The following PITPNB variants were observed in gnomAD, a reference collection of about 807,000 sequenced individuals.
PITPNB encodes the protein phosphatidylinositol transfer protein beta isoform.
A neutral mutation model predicts 45.9 loss-of-function variants in PITPNB; 16 were observed. That is an observed-to-expected ratio of 0.35 (90% CI 0.24 to 0.53). The LOEUF (loss-of-function observed/expected upper bound fraction) is 0.53. Ranked by LOEUF, PITPNB falls within the 20% of genes least tolerant of loss-of-function variation. The pLI, the probability that PITPNB is intolerant of heterozygous loss-of-function variation, is 0.93. For synonymous variants in PITPNB, 112 were observed against 108.9 expected, an observed-to-expected ratio of 1.03 and a Z score of -0.18; for missense variants, 188 against 330.5, an observed-to-expected ratio of 0.57 and a Z score of 3.34.
At chr22:27,916,840 C>G (rs189778891) in intron 1 of PITPNB, among the ~76,000 whole-genome samples, 1 of 152,112 alleles carries the variant, frequency 6.6e-6, no homozygotes, top group Non-Finnish European at 1.5e-5. Context: ...TATAAGACAA[C>G]AAACATTTGC....
intron 7 of PITPNB, among the ~76,000 whole-genome samples, chr22:27,888,285 A>C (rs1459671242): frequency 6.6e-6 from 1 of 152,234 alleles, no homozygotes; most frequent in Non-Finnish European, 1.5e-5. Flanking sequence ...AGAAACACTT[A>C]GACTTCTGAT....
At chr22:27,892,148 T>A (rs1016495) in intron 7 of PITPNB, among the ~76,000 whole-genome samples, 11 of 152,062 alleles carry the variant, frequency 7.2e-5, no homozygotes, top group African/African-American at 2.2e-4. Flanking sequence ...GCATGTGCAG[T>A]GCCTTCCACC....
chr22:27,879,924 A>G (rs1934921227), intron 7 of PITPNB, among the ~76,000 whole-genome samples: 2 of 152,198 alleles, frequency 1.3e-5, no homozygotes, highest in South Asian at 4.1e-4. Context: ...GTCCATTAGC[A>G]TTAAGTTAAC....
intron 1 of PITPNB, 33 bp downstream of exon 1, chr22:27,919,139 C>T: frequency 6.2e-7 from 1 of 1,614,052 alleles, no homozygotes; most frequent in South Asian, 1.1e-5. Context: ...ACTGCCGTCC[C>T]ACGGCCTCGC....
In PITPNB at chr22:27,900,903, T is replaced by C. The variant is rs148119629; in HGVS notation, c.198-3011A>G. 1.1e-3 allele frequency among the ~76,000 whole-genome samples: 168 copies of C among 152,324 alleles called. 1 individual carries two copies. The highest frequency in any genetic ancestry group is 2.9e-3 in the African/African-American group (121 of 41,568). The stretch of plus-strand genomic sequence containing the variant: ...CTGAATGAACAATAGTAAGGCCCTT[T>C]AGTAAAATGTAGCAGATTCCTGTTT... On this transcript the variant is annotated intron_variant, in intron 3 of 11. Coordinates refer to ENST00000335272, the MANE Select transcript of PITPNB (RefSeq NM_012399.5).
intron 7 of PITPNB, among the ~76,000 whole-genome samples, chr22:27,893,582 CT>C (rs745878388): frequency 0.057 from 4,195 of 74,000 alleles, 21 homozygotes; most frequent in South Asian, 0.091. Flanking sequence ...CATGTCTAGC[CT>C]TTTTTTTTTT....
chr22:27,878,779 C>T (rs1429269789), intron 7 of PITPNB, among the ~76,000 whole-genome samples: 1 of 152,166 alleles, frequency 6.6e-6, no homozygotes, highest in African/African-American at 2.4e-5. Flanking sequence ...AATTATTATG[C>T]TAATTACAAA....
At chr22:27,859,316 A>C (rs1207682544) in intron 9 of PITPNB, among the ~76,000 whole-genome samples, 1 of 152,250 alleles carries the variant, frequency 6.6e-6, no homozygotes, top group Non-Finnish European at 1.5e-5. Flanking sequence ...CAAAGTTTCC[A>C]GCACTTTGAG....
intron 8 of PITPNB, among the ~76,000 whole-genome samples, chr22:27,872,649 G>A (rs902188945): frequency 2.1e-5 from 3 of 146,268 alleles, no homozygotes; most frequent in Non-Finnish European, 3.0e-5. Context: ...CTGTGGGGCT[G>A]TAACAGTAAT....
rs574285770 is a variant in PITPNB, at chr22:27,879,210, G to C, written c.457-5395C>G. 2.0e-5 allele frequency among the ~76,000 whole-genome samples: 3 copies of C among 152,236 alleles called. No individual in the cohort carries two copies. In the East Asian group the frequency reaches 5.8e-4, roughly 29 times the overall value. ...TATCCCCAACACTGTCATGTTTATG[G>C]AGGCAGACTCCTAAAGCCTTTGGAA... On this transcript the variant is annotated intron_variant, in intron 7 of 11. Transcript: ENST00000335272.
intron 3 of PITPNB, 64 bp downstream of exon 3, chr22:27,910,900 G>A (rs899984920): frequency 1.7e-5 from 19 of 1,130,824 alleles, no homozygotes; most frequent in Non-Finnish European, 2.1e-5. Context: ...AGTTAAGTTA[G>A]CTAGTTACAT....
intron 8 of PITPNB, among the ~76,000 whole-genome samples, chr22:27,861,250 G>A (rs1470758359): frequency 1.3e-5 from 2 of 151,924 alleles, no homozygotes; most frequent in Admixed American, 6.6e-5. Flanking sequence ...GCAGTGAGCT[G>A]AGGTCACATC....
chr22:27,884,304 G>A (rs1935055504), intron 7 of PITPNB, among the ~76,000 whole-genome samples: 1 of 152,194 alleles, frequency 6.6e-6, no homozygotes, highest in Non-Finnish European at 1.5e-5. Flanking sequence ...TTATATTCAT[G>A]GGCAGGTAAG....
chr22:27,851,740 G>C lies in PITPNB; in HGVS notation c.*1962C>G, dbSNP rs1298768610. On this transcript the variant is annotated 3_prime_UTR_variant, in exon 12 of 12. Coordinates refer to ENST00000335272, the MANE Select transcript of PITPNB (RefSeq NM_012399.5). ...TTGTTTTACTGTAATTTACACAAGAGACTGGCAAGTAAACTAGGTATTTTA... is the reference window on the plus strand; with the variant it reads ...TTGTTTTACTGTAATTTACACAAGACACTGGCAAGTAAACTAGGTATTTTA... 1 of 152,094 alleles carries C rather than the reference G, an allele frequency of 6.6e-6. No homozygotes were observed. The highest frequency in any genetic ancestry group is 2.4e-5 in the African/African-American group (1 of 41,420). The allele number at this position is 152,094 out of a possible 1,614,324, so 9.4% of individuals were successfully genotyped here. A position where few individuals can be genotyped will look rare whatever the true frequency, so the allele number is the denominator to read the frequency against.
In PITPNB at chr22:27,853,383, T is replaced by C. The variant is rs1450093807; in HGVS notation, c.*319A>G. Reference sequence around the variant, plus strand: ...CTTTTGCATTCTTGCTGAAGATAGGTACAGTACTTTGGAGAAATTGTACTA... The same window carrying C: ...CTTTTGCATTCTTGCTGAAGATAGGCACAGTACTTTGGAGAAATTGTACTA... On this transcript the variant is annotated 3_prime_UTR_variant, in exon 12 of 12. Transcript: ENST00000335272. 1.3e-5 allele frequency: 6 copies of C among 477,382 alleles called. No homozygotes were observed. In the East Asian group the frequency reaches 1.3e-4, roughly 10 times the overall value. The allele number at this position is 477,382 out of a possible 1,614,324, so 29.6% of individuals were successfully genotyped here.
At chr22:27,889,539 A>C (rs1935214912) in intron 7 of PITPNB, among the ~76,000 whole-genome samples, 1 of 152,122 alleles carries the variant, frequency 6.6e-6, no homozygotes, top group South Asian at 2.1e-4. Flanking sequence ...CCACTCATCA[A>C]AACTCTACAC....
At chr22:27,874,932 G>A (rs1252094359) in intron 7 of PITPNB, among the ~76,000 whole-genome samples, 2 of 152,194 alleles carry the variant, frequency 1.3e-5, no homozygotes, top group African/African-American at 4.8e-5. Context: ...AGGGCAGTAT[G>A]AGCAAAAGCA....
intron 7 of PITPNB, among the ~76,000 whole-genome samples, chr22:27,880,827 G>T (rs1934949538): frequency 1.3e-5 from 2 of 152,120 alleles, no homozygotes; most frequent in African/African-American, 4.8e-5. Flanking sequence ...TCTCCATGTT[G>T]GTCAGGCTGG....
intron 11 of PITPNB, 45 bp from the exon 12 acceptor site, chr22:27,853,708 A>C (rs2146341208): frequency 1.4e-6 from 2 of 1,401,450 alleles, no homozygotes; most frequent in East Asian, 5.0e-5. Context: ...TAAAATACAG[A>C]GACAGGAAAT....
Sources: gnomAD v4.1 joint callset for allele counts (sites outside exome capture counted in the v4.1 genomes callset) on GRCh38, gnomAD v4.1.1 for gene constraint, MANE v1.5 for transcripts, NCBI Gene and HGNC (gene_info 2026-07-23, HGNC 2026-07-21) for gene names.